The following STX8 variants were observed in gnomAD, a reference collection of about 807,000 sequenced individuals.
The protein encoded by STX8 is syntaxin-8.
STX8 carries 23 observed loss-of-function variants against 37.5 expected under a neutral mutation model. The ratio of observed to expected loss-of-function variants is 0.61; its 90% CI spans 0.44 to 0.87. The LOEUF (loss-of-function observed/expected upper bound fraction) is 0.87. STX8 is among the 40% of genes least tolerant of loss of function. The pLI is 0.00. For synonymous variants in STX8, 115 were observed against 99.1 expected, an observed-to-expected ratio of 1.16 and a Z score of -0.95; for missense variants, 313 against 284.7, an observed-to-expected ratio of 1.10 and a Z score of -0.71.
At chr17:9,556,769 A>ATATATG (rs1906987146) in intron 3 of STX8, 1 of 71,642 alleles carries the variant, frequency 1.4e-5, no homozygotes, top group African/African-American at 7.2e-5. Flanking sequence ...ATATATATAT[A>ATATATG]TATATATATA....
Position 9,507,012 on chromosome 17 carries a change from C to T in STX8, c.324-1850G>A, listed in dbSNP as rs1904862997. On this transcript the variant is annotated intron_variant, in intron 4 of 7. Transcript: ENST00000306357. The surrounding 1 kb of genome is among the most constrained non-coding windows in gnomAD (Gnocchi z 4.0). Reference sequence around the variant, plus strand: ...ACTCTGGTCCTGCAATGAAGGGAAACCACCCTCTGCACTTTCAGCCACAGA... The same window carrying T: ...ACTCTGGTCCTGCAATGAAGGGAAATCACCCTCTGCACTTTCAGCCACAGA... Among the ~76,000 whole-genome samples, 1 of 151,928 alleles carries T rather than the reference C, an allele frequency of 6.6e-6. No individual in the cohort carries two copies. Among genetic ancestry groups the T allele is most frequent in the South Asian group, 2.1e-4 (1 of 4,818 alleles).
At chr17:9,404,279 G>T (rs1370991863) in intron 6 of STX8, among the ~76,000 whole-genome samples, 1 of 151,898 alleles carries the variant, frequency 6.6e-6, no homozygotes, top group Non-Finnish European at 1.5e-5. Flanking sequence ...AGAAGGGGAG[G>T]CAGGAAAGGG....
At chr17:9,313,716 C>T (rs1909273811) in intron 7 of STX8, among the ~76,000 whole-genome samples, 1 of 152,178 alleles carries the variant, frequency 6.6e-6, no homozygotes, top group Non-Finnish European at 1.5e-5. Flanking sequence ...ATGCAACCTC[C>T]ACCTCCTGGG....
chr17:9,269,248 C>CTGGGAAA (rs1033471946), intron 7 of STX8, among the ~76,000 whole-genome samples: 2 of 151,622 alleles, frequency 1.3e-5, no homozygotes, highest in African/African-American at 4.9e-5. Flanking sequence ...AGTGGAAAGA[C>CTGGGAAA]TGGGAAATGA....
chr17:9,332,368 T>C (rs1438779927), intron 7 of STX8, among the ~76,000 whole-genome samples: 6 of 152,170 alleles, frequency 3.9e-5, no homozygotes, highest in African/African-American at 1.4e-4. Flanking sequence ...AGTTAACAAA[T>C]CATCAGATCG....
chr17:9,493,654 T>C (rs537732745), intron 5 of STX8, among the ~76,000 whole-genome samples: 5 of 152,350 alleles, frequency 3.3e-5, no homozygotes, highest in Non-Finnish European at 5.9e-5. Context: ...CGTGGGCTCC[T>C]CCCTGGACAT....
intron 7 of STX8, among the ~76,000 whole-genome samples, chr17:9,290,837 T>G (rs1362722534): frequency 1.3e-5 from 2 of 152,234 alleles, no homozygotes; most frequent in East Asian, 3.8e-4. Context: ...GTCCAGGACG[T>G]ACATGCTTCT....
At chr17:9,299,721 T>A (rs1239462020) in intron 7 of STX8, among the ~76,000 whole-genome samples, 1 of 152,110 alleles carries the variant, frequency 6.6e-6, no homozygotes, top group African/African-American at 2.4e-5. Context: ...GGATTACAGG[T>A]GTGAGCCACC....
chr17:9,275,442 C>T (rs1907638705), intron 7 of STX8, among the ~76,000 whole-genome samples: 1 of 152,196 alleles, frequency 6.6e-6, no homozygotes, highest in Non-Finnish European at 1.5e-5. Context: ...CCACCCTTAC[C>T]TATTTACATA....
chr17:9,387,223 A>G (rs1487184258), intron 6 of STX8, among the ~76,000 whole-genome samples: 1 of 152,238 alleles, frequency 6.6e-6, no homozygotes, highest in East Asian at 1.9e-4. Context: ...GGACTTGGAC[A>G]CATAGCTTCA....
In STX8 at chr17:9,468,771, T is replaced by C. The variant is rs371722264; in HGVS notation, c.541+23058A>G. On this transcript the variant is annotated intron_variant, in intron 6 of 7. Coordinates refer to ENST00000306357, the MANE Select transcript of STX8 (RefSeq NM_004853.3). The stretch of plus-strand genomic sequence containing the variant: ...CCAATGACTGATCAAGGCTGGGGCA[T>C]ATAAGCCCAGCAATGTGAATTCAAC... Among the ~76,000 whole-genome samples the C allele has an allele frequency of 2.6e-5, 4 of 152,218 alleles. No individual in the cohort carries two copies. The South Asian group carries it at 6.2e-4, about 24-fold the overall frequency.
At chr17:9,434,172 T>A (rs1904342421) in intron 6 of STX8, among the ~76,000 whole-genome samples, 1 of 151,998 alleles carries the variant, frequency 6.6e-6, no homozygotes, top group Admixed American at 6.6e-5. Flanking sequence ...CCCGGCTAAT[T>A]TTTTGTATTT....
intron 4 of STX8, among the ~76,000 whole-genome samples, chr17:9,537,863 TA>T (rs1377332477): frequency 1.3e-5 from 2 of 152,200 alleles, no homozygotes; most frequent in Non-Finnish European, 2.9e-5. Flanking sequence ...AAATACAATC[TA>T]TTTTTTTGAA....
At chr17:9,376,101 G>T (rs1402707674) in intron 7 of STX8, among the ~76,000 whole-genome samples, 1 of 152,216 alleles carries the variant, frequency 6.6e-6, no homozygotes, top group Non-Finnish European at 1.5e-5. Flanking sequence ...AGAGGTGGAA[G>T]TGAACTCATA....
intron 7 of STX8, among the ~76,000 whole-genome samples, chr17:9,301,384 AAT>A (rs1779456434): frequency 2.6e-5 from 4 of 152,108 alleles, no homozygotes; most frequent in African/African-American, 9.7e-5. Flanking sequence ...GAATCATGTT[AAT>A]ATGTTTCCTA....
chr17:9,400,234 C>T (rs1194903353), intron 6 of STX8, among the ~76,000 whole-genome samples: 1 of 151,380 alleles, frequency 6.6e-6, no homozygotes, highest in East Asian at 2.0e-4. Flanking sequence ...TGCCGAGTAG[C>T]TGAGACTACA....
chr17:9,568,834 A>C (rs2151919038), intron 1 of STX8, among the ~76,000 whole-genome samples: 1 of 152,316 alleles, frequency 6.6e-6, no homozygotes, highest in African/African-American at 2.4e-5. Context: ...GCATTGTCTA[A>C]GTTTGACATT....
At chr17:9,451,792 G>C (rs1465480) in intron 6 of STX8, among the ~76,000 whole-genome samples, 39,921 of 104,150 alleles carry the variant, frequency 0.38, 6,768 homozygotes, top group East Asian at 0.71. Context: ...CATATATACA[G>C]AGAGAGAGAG....
chr17:9,256,808 C>G (rs750876494), intron 7 of STX8, among the ~76,000 whole-genome samples: 5 of 152,196 alleles, frequency 3.3e-5, no homozygotes, highest in Admixed American at 6.5e-5. Flanking sequence ...ACATCGTACT[C>G]GGTCACGTGT....
Sources: gnomAD v4.1 joint callset for allele counts (sites outside exome capture counted in the v4.1 genomes callset) on GRCh38, gnomAD v4.1.1 for gene constraint, Gnocchi (gnomAD v3.1) non-coding constraint, MANE v1.5 for transcripts, NCBI Gene and HGNC (gene_info 2026-07-23, HGNC 2026-07-21) for gene names.